The following EBF1 variants were observed in gnomAD, a reference collection of about 807,000 sequenced individuals.
EBF1 encodes the protein transcription factor COE1.
In EBF1, 10 loss-of-function variants were observed where a neutral mutation model predicts 68.4. The observed-to-expected ratio is 0.15, with a 90% CI of 0.09 to 0.25. EBF1 has a LOEUF of 0.25. Among genes scored for constraint, EBF1 ranks in the 10% least tolerant of loss-of-function variants. The probability of loss-of-function intolerance (pLI) is 1.00; values close to 1 mark genes in which losing one functional copy is unlikely to be tolerated. For synonymous variants in EBF1, 298 were observed against 299.8 expected (o/e 0.99, Z 0.06); for missense variants, 509 against 794.4 (o/e 0.64, Z 4.32).
rs761071607 is a variant in EBF1 at position 158,699,145 on chromosome 5, A to G, written c.1745-3T>C. 6.2e-7 allele frequency: 1 copy of G among 1,607,800 alleles called. No individual in the cohort carries two copies. Among genetic ancestry groups the G allele is most frequent in the Non-Finnish European group, 8.5e-7 (1 of 1,177,472 alleles). On this transcript the variant is annotated splice_region_variant and splice_polypyrimidine_tract_variant and intron_variant, in intron 15 of 15. Coordinates refer to ENST00000313708, the MANE Select transcript of EBF1 (RefSeq NM_024007.5). ...AGGAACAATCATGCCAGATATCGCT[A>G]TGAAAGAAAAGACAGAAGTCAATGG...
chr5:159,043,528 A>G (rs969929098), intron 6 of EBF1, among the ~76,000 whole-genome samples: 12 of 152,174 alleles, frequency 7.9e-5, no homozygotes, highest in African/African-American at 2.9e-4. Flanking sequence ...TGAATAAATG[A>G]CCCACTACTC....
intron 11 of EBF1, among the ~76,000 whole-genome samples, chr5:158,717,742 C>T (rs2127504640): frequency 6.6e-6 from 1 of 152,126 alleles, no homozygotes; most frequent in African/African-American, 2.4e-5. Context: ...CTCCAATCTA[C>T]ATTCTGAGTC....
intron 6 of EBF1, among the ~76,000 whole-genome samples, chr5:159,011,006 C>A (rs1389751211): frequency 1.3e-5 from 2 of 152,182 alleles, no homozygotes; most frequent in Non-Finnish European, 2.9e-5. Context: ...ACAGTAGATA[C>A]AAAATGCCAC....
chr5:158,764,905 ACAC>A (rs1460147822), intron 10 of EBF1, among the ~76,000 whole-genome samples: 2 of 152,158 alleles, frequency 1.3e-5, no homozygotes, highest in East Asian at 3.8e-4. Flanking sequence ...ACTTCTTTCT[ACAC>A]CTCATTTTTA....
At chr5:158,779,525 G>A (rs1775982588) in intron 9 of EBF1, among the ~76,000 whole-genome samples, 1 of 152,100 alleles carries the variant, frequency 6.6e-6, no homozygotes, top group Non-Finnish European at 1.5e-5. Context: ...GCTTTTGGTG[G>A]TAAAGGATGT....
intron 9 of EBF1, among the ~76,000 whole-genome samples, chr5:158,784,080 T>C (rs1776954573): frequency 6.6e-6 from 1 of 152,216 alleles, no homozygotes; most frequent in Non-Finnish European, 1.5e-5. Flanking sequence ...ATGACCTTGA[T>C]AACGACTTCA....
intron 6 of EBF1, among the ~76,000 whole-genome samples, chr5:159,050,077 G>C (rs1773220452): frequency 6.6e-6 from 1 of 152,138 alleles, no homozygotes; most frequent in Non-Finnish European, 1.5e-5. Flanking sequence ...AGAAGGCAAG[G>C]AGTATGTCAA....
rs1212860825 is a variant in EBF1, at chr5:158,707,913, T to G, written c.1744+66A>C. On this transcript the variant is annotated intron_variant, in intron 15 of 15. Transcript: ENST00000313708. ...CCCTCAGCAATGGTGATGCATCTGCTTCAGGCCCTGGGAGGGTGAAGTCAG... is the reference window on the plus strand; with the variant it reads ...CCCTCAGCAATGGTGATGCATCTGCGTCAGGCCCTGGGAGGGTGAAGTCAG... The G allele has an allele frequency of 3.3e-6, 5 of 1,510,386 alleles. No individual in the cohort carries two copies. The East Asian group carries it at 9.9e-5, about 30-fold the overall frequency. 93.6% of individuals were successfully genotyped at this position (1,510,386 alleles called of 1,614,324 possible).
intron 10 of EBF1, among the ~76,000 whole-genome samples, chr5:158,746,111 T>C (rs1041832102): frequency 1.3e-5 from 2 of 152,210 alleles, no homozygotes; most frequent in African/African-American, 4.8e-5. Flanking sequence ...TATTTCTGTT[T>C]AGCTTGTCTG....
chr5:159,009,114 C>T (rs1764138591), intron 6 of EBF1, among the ~76,000 whole-genome samples: 1 of 152,088 alleles, frequency 6.6e-6, no homozygotes, highest in Admixed American at 6.5e-5. Context: ...TCAAGCCAAG[C>T]CCTTTTTAAT....
At chr5:159,077,063 A>G (rs1480659808) in intron 5 of EBF1, among the ~76,000 whole-genome samples, 1 of 152,166 alleles carries the variant, frequency 6.6e-6, no homozygotes, top group Non-Finnish European at 1.5e-5. Context: ...GGAGAGAGGG[A>G]GGGGAAGAGA....
At chr5:159,001,982 G>A (rs991721609) in intron 6 of EBF1, among the ~76,000 whole-genome samples, 1 of 152,116 alleles carries the variant, frequency 6.6e-6, no homozygotes, top group Admixed American at 6.6e-5. Context: ...TTTAAGCTAT[G>A]GTGGGTGCTC....
At chr5:158,747,205 G>T (rs1218788519) in intron 10 of EBF1, among the ~76,000 whole-genome samples, 1 of 152,174 alleles carries the variant, frequency 6.6e-6, no homozygotes, top group African/African-American at 2.4e-5. Context: ...AAATGTTGGA[G>T]CCGAACCAAC....
intron 6 of EBF1, among the ~76,000 whole-genome samples, chr5:158,944,227 C>T (rs1244797241): frequency 6.6e-6 from 1 of 152,092 alleles, no homozygotes; most frequent in African/African-American, 2.4e-5. Context: ...TTGTCCTCCA[C>T]CCCCCTACAG....
intron 14 of EBF1, among the ~76,000 whole-genome samples, chr5:158,711,067 G>C (rs1581213118): frequency 6.6e-6 from 1 of 152,210 alleles, no homozygotes; most frequent in Admixed American, 6.5e-5. Flanking sequence ...CTTTAAGGCA[G>C]AGACAAGGCA....
chr5:158,863,593 C>T (rs1795334882), intron 6 of EBF1, among the ~76,000 whole-genome samples: 1 of 152,158 alleles, frequency 6.6e-6, no homozygotes, highest in Non-Finnish European at 1.5e-5. Context: ...CCTGAAGACA[C>T]TCTAGCTGTA....
chr5:159,095,432 C>T (rs1001780850), intron 4 of EBF1, among the ~76,000 whole-genome samples, 188 bp downstream of exon 4: 1 of 152,324 alleles, frequency 6.6e-6, no homozygotes. Context: ...GCGCGTCGAG[C>T]CCTCATCCCC....
intron 6 of EBF1, among the ~76,000 whole-genome samples, chr5:158,848,040 A>G (rs1411441130): frequency 1.3e-5 from 2 of 152,228 alleles, no homozygotes; most frequent in African/African-American, 4.8e-5. Context: ...CTTAGCAGTT[A>G]CTACAGCAAA....
intron 6 of EBF1, among the ~76,000 whole-genome samples, chr5:158,984,162 G>C (rs1473061799): frequency 6.6e-6 from 1 of 152,050 alleles, no homozygotes; most frequent in East Asian, 1.9e-4. Context: ...TCAACTTATT[G>C]CTTTAGCTGA....
Sources: gnomAD v4.1 joint callset for allele counts (sites outside exome capture counted in the v4.1 genomes callset) on GRCh38, gnomAD v4.1.1 for gene constraint, MANE v1.5 for transcripts, NCBI Gene and HGNC (gene_info 2026-07-23, HGNC 2026-07-21) for gene names.